Variants in BAZ2B observed in about 807,000 individuals in gnomAD.
The protein encoded by BAZ2B is bromodomain adjacent to zinc finger domain protein 2B.
Under a neutral mutation model 246.0 loss-of-function variants are expected in BAZ2B, and 91 were observed. The ratio of observed to expected loss-of-function variants is 0.37; its 90% CI spans 0.31 to 0.44. The LOEUF (loss-of-function observed/expected upper bound fraction) is 0.44. Among genes scored for constraint, BAZ2B ranks in the 20% least tolerant of loss-of-function variants. The probability of loss-of-function intolerance (pLI) is 1.00; values close to 1 mark genes in which losing one functional copy is unlikely to be tolerated. For missense variants in BAZ2B, 2,332 were observed against 2,533.7 expected (o/e 0.92, Z 1.71); for synonymous variants, 855 against 860.0 (o/e 0.99, Z 0.10).
At chr2:159,556,759 G>C (rs1372173633) in intron 1 of BAZ2B, among the ~76,000 whole-genome samples, 1 of 152,134 alleles carries the variant, frequency 6.6e-6, no homozygotes, top group Non-Finnish European at 1.5e-5. Flanking sequence ...ACCGGACCTA[G>C]CCTGGAAATT....
the BAZ2B span, among the ~76,000 whole-genome samples, chr2:159,703,746 T>A: frequency 6.6e-6 from 1 of 151,988 alleles, no homozygotes. Flanking sequence ...CAGCCAGTAA[T>A]CCCAGCTACT....
chr2:159,370,982 A>T (rs758946113), intron 27 of BAZ2B, among the ~76,000 whole-genome samples: 30 of 150,710 alleles, frequency 2.0e-4, no homozygotes, highest in Non-Finnish European at 3.5e-4. Context: ...ATTTTTTTGT[A>T]TTTTTAGTAG....
intron 13 of BAZ2B, among the ~76,000 whole-genome samples, chr2:159,426,243 T>G (rs892657904): frequency 8.5e-5 from 13 of 152,184 alleles, no homozygotes; most frequent in Non-Finnish European, 1.8e-4. Context: ...AATGAGGCTT[T>G]ATAGATTAGG....
At chr2:159,575,760 A>G (rs1685143517) in intron 1 of BAZ2B, among the ~76,000 whole-genome samples, 1 of 152,218 alleles carries the variant, frequency 6.6e-6, no homozygotes. Flanking sequence ...CATTAACATG[A>G]TTATAAAACT....
chr2:159,545,365 C>T (rs1298298129), intron 2 of BAZ2B, among the ~76,000 whole-genome samples: 1 of 152,186 alleles, frequency 6.6e-6, no homozygotes, highest in Non-Finnish European at 1.5e-5. Context: ...CGCCACTCTA[C>T]AGATCTCAGC....
the BAZ2B span, among the ~76,000 whole-genome samples, chr2:159,648,846 G>C: frequency 3.9e-5 from 6 of 152,116 alleles, no homozygotes; most frequent in Non-Finnish European, 8.8e-5. Flanking sequence ...GAGTGGAATA[G>C]CTGGATCATA....
At chr2:159,693,181 AAT>A in the BAZ2B span, 1 of 41,354 alleles carries the variant, frequency 2.4e-5, no homozygotes, top group African/African-American at 8.1e-5. Context: ...ATTGGTTTGT[AAT>A]TTTTTTTCTT....
Position 159,385,324 on chromosome 2 carries a change from G to A in BAZ2B, c.3517C>T (p.Arg1173Ter). 6.2e-7 allele frequency: 1 copy of A among 1,613,106 alleles called. No homozygotes were observed. Among genetic ancestry groups the A allele is most frequent in the Non-Finnish European group, 8.5e-7 (1 of 1,179,596 alleles). ...TGTAAAATCTCGGAAACATTGTCTCGATTCACACCAACATTCAGCAAATGT... is the reference window on the plus strand; with the variant it reads ...TGTAAAATCTCGGAAACATTGTCTCAATTCACACCAACATTCAGCAAATGT... ...GEHLLNVGVN[R>*]DNVSEILQIF... The change falls in exon 23 of 37, where the codon CGA (arginine) becomes TGA (stop). Residue 1173 changes from arginine to a stop codon, truncating the protein, a stop_gained. Transcript: ENST00000392783. LOFTEE classifies it high-confidence loss of function.
rs1007846735 is a variant in BAZ2B, at chr2:159,551,458, C to T, written c.-3+4365G>A. Among the ~76,000 whole-genome samples, 118 of 108,438 alleles carry T rather than the reference C, an allele frequency of 1.1e-3. 1 individual carries two copies. Among genetic ancestry groups the T allele is most frequent in the African/African-American group, 4.1e-3 (106 of 25,964 alleles). The allele number at this position is 108,438 out of a possible 152,430, so 71.1% of individuals were successfully genotyped here. A position where few individuals can be genotyped will look rare whatever the true frequency, so the allele number is the denominator to read the frequency against. ...CACTCCAGCCTGGGTGACAGTGAGA[C>T]TCAGACTCAAAAAAAAAAAAAAAAA... On this transcript the variant is annotated intron_variant, in intron 2 of 36. Coordinates refer to ENST00000392783, the MANE Select transcript of BAZ2B (RefSeq NM_013450.4).
chr2:159,560,152 A>G (rs2089681282), intron 1 of BAZ2B, among the ~76,000 whole-genome samples: 1 of 152,186 alleles, frequency 6.6e-6, no homozygotes, highest in South Asian at 2.1e-4. Context: ...ACTATACTAC[A>G]TACCTACAAA....
chr2:159,572,055 C>T (rs1684154445), intron 1 of BAZ2B, among the ~76,000 whole-genome samples: 1 of 152,094 alleles, frequency 6.6e-6, no homozygotes, highest in Non-Finnish European at 1.5e-5. Flanking sequence ...TAATTAAACC[C>T]CCATAAAAAC....
At chr2:159,707,486 T>C in the BAZ2B span, among the ~76,000 whole-genome samples, 2 of 150,922 alleles carry the variant, frequency 1.3e-5, no homozygotes, top group East Asian at 3.9e-4. Flanking sequence ...AGGTCAGGAG[T>C]TTGAGAGCAG....
At chr2:159,395,271 CCTCCAAATAAG>C (rs2063859122) in intron 20 of BAZ2B, 1 of 152,186 alleles carries the variant, frequency 6.6e-6, no homozygotes, top group South Asian at 2.1e-4. Flanking sequence ...TTTCTATTAA[CCTCCAAATAAG>C]CTCATTCTGA....
chr2:159,578,819 T>C (rs939807337), intron 1 of BAZ2B, among the ~76,000 whole-genome samples: 1 of 152,156 alleles, frequency 6.6e-6, no homozygotes, highest in African/African-American at 2.4e-5. Flanking sequence ...TGCTCCTCAA[T>C]GACTACTGGG....
At chr2:159,507,382 A>C (rs561224008) in intron 2 of BAZ2B, among the ~76,000 whole-genome samples, 2 of 152,182 alleles carry the variant, frequency 1.3e-5, no homozygotes, top group Non-Finnish European at 1.5e-5. Context: ...AAAAAAATCT[A>C]AACAATTATA....
At chr2:159,642,094 T>C in the BAZ2B span, among the ~76,000 whole-genome samples, 2 of 152,178 alleles carry the variant, frequency 1.3e-5, no homozygotes, top group East Asian at 1.9e-4. Flanking sequence ...TCTTTAACTA[T>C]AGCAGAAATT....
At chr2:159,654,034 C>A in the BAZ2B span, among the ~76,000 whole-genome samples, 1 of 152,106 alleles carries the variant, frequency 6.6e-6, no homozygotes. Flanking sequence ...CAACAATAAG[C>A]CAAAATCTTA....
the BAZ2B span, among the ~76,000 whole-genome samples, chr2:159,675,946 A>C: frequency 6.6e-6 from 1 of 152,112 alleles, no homozygotes; most frequent in African/African-American, 2.4e-5. Context: ...CCCAGGCTGG[A>C]GTGCAGTGGT....
At chr2:159,456,539 G>A (rs951282688) in intron 3 of BAZ2B, among the ~76,000 whole-genome samples, 1 of 152,076 alleles carries the variant, frequency 6.6e-6, no homozygotes, top group Non-Finnish European at 1.5e-5. Flanking sequence ...GGAAGCAACT[G>A]AGTAGAAAAT....
Sources: gnomAD v4.1 joint callset for allele counts (sites outside exome capture counted in the v4.1 genomes callset) on GRCh38, gnomAD v4.1.1 for gene constraint, MANE v1.5 for transcripts, NCBI Gene and HGNC (gene_info 2026-07-23, HGNC 2026-07-21) for gene names.